NFATC1: variants seen among roughly 807,000 people sequenced by gnomAD.
NFATC1 encodes the protein nuclear factor of activated T-cells, cytoplasmic 1.
In NFATC1, 22 loss-of-function variants were observed where a neutral mutation model predicts 76.0. That is an observed-to-expected ratio of 0.29 (90% confidence interval 0.21 to 0.41). The LOEUF (loss-of-function observed/expected upper bound fraction) is 0.41. Among genes scored for constraint, NFATC1 ranks in the 10% least tolerant of loss-of-function variants. NFATC1 has a pLI of 1.00. For missense variants in NFATC1, 1,357 were observed against 1,337.7 expected (o/e 1.01, Z -0.23); for synonymous variants, 704 against 613.1 (o/e 1.15, Z -2.19).
At chr18:79,488,375 A>G (rs2089581794) in intron 9 of NFATC1, among the ~76,000 whole-genome samples, 1 of 149,776 alleles carries the variant, frequency 6.7e-6, no homozygotes, top group African/African-American at 2.5e-5. Flanking sequence ...CGCAGCCCTC[A>G]TCGTCTGTTT....
At chr18:79,476,824 C>G (rs2089092605) in intron 8 of NFATC1, among the ~76,000 whole-genome samples, 1 of 152,230 alleles carries the variant, frequency 6.6e-6, no homozygotes, top group African/African-American at 2.4e-5. Flanking sequence ...GCCTGGAGGT[C>G]TGTGGCGTGC....
chr18:79,410,243 C>A lies in NFATC1; in HGVS notation c.128-160C>A. ...ACTGGGGCTGTCACTCCAAGTCGCC[C>A]GGAGCTGTCCGGCAGCGTGGTCTCA... On this transcript the variant is annotated intron_variant, in intron 1 of 9. Coordinates refer to ENST00000427363, the MANE Select transcript of NFATC1 (RefSeq NM_001278669.2). This position sits in a 1 kb window ranked among gnomAD's most constrained non-coding sequence, Gnocchi z 6.7. 2 of 1,224,710 alleles carry A rather than the reference C, an allele frequency of 1.6e-6. No homozygotes were observed. The highest frequency in any genetic ancestry group is 2.3e-6 in the Non-Finnish European group (2 of 873,036). The allele number at this position is 1,224,710 out of a possible 1,614,324, so 75.9% of individuals were successfully genotyped here.
intron 2 of NFATC1, chr18:79,421,744 TGTG>T (rs2086101018): frequency 1.3e-5 from 2 of 152,330 alleles, no homozygotes; most frequent in South Asian, 4.1e-4. Flanking sequence ...AGGAGAGGGC[TGTG>T]AAGCAACTCT....
intron 8 of NFATC1, among the ~76,000 whole-genome samples, chr18:79,476,528 C>T (rs1296733502): frequency 6.6e-6 from 1 of 152,236 alleles, no homozygotes; most frequent in Non-Finnish European, 1.5e-5. Flanking sequence ...CTTGCGCTTC[C>T]CCTCGCTGCC....
intron 8 of NFATC1, among the ~76,000 whole-genome samples, chr18:79,485,061 G>A (rs1312243443): frequency 6.6e-6 from 1 of 152,234 alleles, no homozygotes; most frequent in Non-Finnish European, 1.5e-5. Flanking sequence ...TTTACTGCAG[G>A]AGGCTGCCAG....
intron 8 of NFATC1, among the ~76,000 whole-genome samples, chr18:79,475,004 C>T (rs1220107075): frequency 7.3e-6 from 1 of 137,556 alleles, no homozygotes; most frequent in Non-Finnish European, 1.5e-5. Context: ...CTCACGCTCG[C>T]TGTCGACGTA....
At chr18:79,405,305 C>T (rs1176685857) in intron 1 of NFATC1, among the ~76,000 whole-genome samples, 3 of 152,256 alleles carry the variant, frequency 2.0e-5, no homozygotes, top group Non-Finnish European at 4.4e-5. Context: ...TTTAGTGAAT[C>T]CTCCTTGGCA....
intron 8 of NFATC1, among the ~76,000 whole-genome samples, chr18:79,479,905 C>T (rs907352322): frequency 5.9e-5 from 9 of 152,230 alleles, no homozygotes; most frequent in South Asian, 2.1e-4. Context: ...CACAAGACGC[C>T]GCTGCCAGGG....
At chr18:79,457,236 C>T (rs1054792005) in intron 6 of NFATC1, among the ~76,000 whole-genome samples, 1 of 152,170 alleles carries the variant, frequency 6.6e-6, no homozygotes, top group African/African-American at 2.4e-5. Context: ...GAGGGCAGCG[C>T]CCGGGGAAGA....
intron 3 of NFATC1, 30 bp downstream of exon 3, chr18:79,433,768 C>G (rs1413414750): frequency 6.3e-7 from 1 of 1,597,352 alleles, no homozygotes; most frequent in Non-Finnish European, 8.5e-7. Flanking sequence ...TCGCACGTCA[C>G]TTGGTGCTTT....
At chr18:79,456,768 G>A (rs919140685) in intron 6 of NFATC1, among the ~76,000 whole-genome samples, 1 of 152,212 alleles carries the variant, frequency 6.6e-6, no homozygotes, top group African/African-American at 2.4e-5. Flanking sequence ...GCGGGATGTA[G>A]GCCGAGGGAG....
At chr18:79,492,826 A>G (rs1048599416) in intron 9 of NFATC1, among the ~76,000 whole-genome samples, 5 of 144,586 alleles carry the variant, frequency 3.5e-5, no homozygotes, top group African/African-American at 1.3e-4. Flanking sequence ...GTGAGCTGAG[A>G]CCTCGCCACT....
intron 6 of NFATC1, among the ~76,000 whole-genome samples, 196 bp from the exon 7 acceptor site, chr18:79,461,115 C>T (rs1050772623): frequency 4.0e-5 from 6 of 149,328 alleles, no homozygotes; most frequent in African/African-American, 1.5e-4. Context: ...ACTTTGGTGT[C>T]GAGCTCGGGG....
intron 1 of NFATC1, chr18:79,400,473 G>C (rs760026532): frequency 6.7e-7 from 1 of 1,484,102 alleles, no homozygotes; most frequent in South Asian, 1.3e-5. Flanking sequence ...CGCCGCGGCC[G>C]CCCCAGGTGG....
intron 8 of NFATC1, among the ~76,000 whole-genome samples, chr18:79,476,511 G>A (rs893896): frequency 0.41 from 62,036 of 152,178 alleles, 13,638 homozygotes; most frequent in Middle Eastern, 0.62. Context: ...CACAGCCTGA[G>A]GCCCCACTTG....
intron 9 of NFATC1, among the ~76,000 whole-genome samples, chr18:79,489,767 C>T (rs2089623137): frequency 6.6e-6 from 1 of 152,244 alleles, no homozygotes; most frequent in Non-Finnish European, 1.5e-5. Flanking sequence ...GGACCTTGAG[C>T]ACAGACCCCG....
chr18:79,396,197 C>T lies in NFATC1; in HGVS notation c.-28C>T, dbSNP rs62096862. The T allele has an allele frequency of 0.11, 157,946 of 1,457,542 alleles. 9,127 individuals carry two copies. The highest frequency in any genetic ancestry group is 0.13 in the African/African-American group (8,967 of 67,516). 90.3% of individuals were successfully genotyped at this position (1,457,542 alleles called of 1,614,324 possible). A position where few individuals can be genotyped will look rare whatever the true frequency, so the allele number is the denominator to read the frequency against. On this transcript the variant is annotated 5_prime_UTR_variant, in exon 1 of 10. Transcript: ENST00000427363. ...CCGCTTCTCCTGTGCCTCCGCCCGC[C>T]GCTCCACTCCCCGCCGCCGCCGCGC...
At position 79,465,282 on chromosome 18, in the gene NFATC1, T is replaced by TG. The variant is rs2088418272; in HGVS notation, c.1960-2167dup. Among the ~76,000 whole-genome samples the TG allele has an allele frequency of 6.6e-6, 1 of 152,186 alleles. No individual in the cohort carries two copies. Among genetic ancestry groups the TG allele is most frequent in the Admixed American group, 6.5e-5 (1 of 15,282 alleles). The stretch of plus-strand genomic sequence containing the variant: ...CATATAATTTGTCTATTTAGAGAGT[T>TG]GAAGTGGGTTGGCCTGTGCCCACAT... On this transcript the variant is annotated intron_variant, in intron 7 of 9. Coordinates refer to ENST00000427363, the MANE Select transcript of NFATC1 (RefSeq NM_001278669.2). The surrounding 1 kb of genome is among the most constrained non-coding windows in gnomAD (Gnocchi z 4.2).
At chr18:79,400,363 C>A in intron 1 of NFATC1, 1 of 1,399,074 alleles carries the variant, frequency 7.1e-7, no homozygotes, top group Non-Finnish European at 9.3e-7. Flanking sequence ...GCGACCCCGG[C>A]TCCCGCCCCG....
Sources: gnomAD v4.1 joint callset for allele counts (sites outside exome capture counted in the v4.1 genomes callset) on GRCh38, gnomAD v4.1.1 for gene constraint, Gnocchi (gnomAD v3.1) non-coding constraint, MANE v1.5 for transcripts, NCBI Gene and HGNC (gene_info 2026-07-23, HGNC 2026-07-21) for gene names.